The following FBXL17 variants were observed in gnomAD, a reference collection of about 807,000 sequenced individuals.
FBXL17 encodes the protein F-box/LRR-repeat protein 17.
Under a neutral mutation model 66.2 loss-of-function variants are expected in FBXL17, and 22 were observed. The ratio of observed to expected loss-of-function variants is 0.33; its 90% CI spans 0.24 to 0.47. The LOEUF (loss-of-function observed/expected upper bound fraction) is 0.47, where lower values mean the gene tolerates loss of function less well. Among genes scored for constraint, FBXL17 ranks in the 20% least tolerant of loss-of-function variants. FBXL17 has a pLI of 1.00. For missense variants in FBXL17, 878 were observed against 948.2 expected (o/e 0.93, Z 0.97); for synonymous variants, 474 against 400.5 (o/e 1.18, Z -2.19).
chr5:107,924,177 G>A (rs1244368976), intron 7 of FBXL17, among the ~76,000 whole-genome samples: 3 of 148,978 alleles, frequency 2.0e-5, no homozygotes, highest in African/African-American at 5.0e-5. Context: ...GAGCCACTAC[G>A]CCCGACTTTG....
rs564513962 is a variant in FBXL17, at chr5:107,883,540, C to A, written c.1823-2361G>T. On this transcript the variant is annotated intron_variant, in intron 7 of 8. Coordinates refer to ENST00000542267, the MANE Select transcript of FBXL17 (RefSeq NM_001163315.3). The stretch of plus-strand genomic sequence containing the variant: ...AACAGTCACAATCCAAGGCTTACCC[C>A]CCATCTCTTCCCTTTCCCAACTCCT... Among the ~76,000 whole-genome samples the A allele has an allele frequency of 2.6e-5, 4 of 152,268 alleles. No homozygotes were observed. In the East Asian group the frequency reaches 5.8e-4, roughly 22 times the overall value.
chr5:108,303,835 T>A (rs183608128), intron 4 of FBXL17, among the ~76,000 whole-genome samples: 2 of 152,092 alleles, frequency 1.3e-5, no homozygotes, highest in African/African-American at 4.8e-5. Context: ...TGATGACTAA[T>A]AGAATGTATG....
intron 6 of FBXL17, among the ~76,000 whole-genome samples, chr5:108,167,877 G>T (rs1752469102): frequency 6.6e-6 from 1 of 152,146 alleles, no homozygotes; most frequent in Admixed American, 6.5e-5. Context: ...ACAACTTAAA[G>T]GGGGAAAAAA....
rs186745791 is a variant in FBXL17 at position 108,108,124 on chromosome 5, T to A, written c.1745+77993A>T. On this transcript the variant is annotated intron_variant, in intron 6 of 8. Transcript: ENST00000542267. ...CATGTGGCTTACTCCTTGATTTTAC[T>A]TAAGTTTCTCCTTCAGTGATAGCTC... 1.9e-3 allele frequency among the ~76,000 whole-genome samples: 283 copies of A among 152,308 alleles called. 3 individuals are homozygous for A. Among genetic ancestry groups the A allele is most frequent in the Non-Finnish European group, 2.0e-3 (135 of 68,026 alleles).
intron 6 of FBXL17, among the ~76,000 whole-genome samples, chr5:108,036,681 TG>T (rs1355901567): frequency 5.9e-5 from 9 of 152,178 alleles, no homozygotes; most frequent in Non-Finnish European, 1.3e-4. Flanking sequence ...CCTCCTGCTC[TG>T]GCCTGACTTT....
At chr5:108,036,025 T>C (rs1473613829) in intron 6 of FBXL17, among the ~76,000 whole-genome samples, 1 of 152,242 alleles carries the variant, frequency 6.6e-6, no homozygotes, top group Non-Finnish European at 1.5e-5. Context: ...ACACTAAGGC[T>C]GTGCCTGGTA....
intron 4 of FBXL17, among the ~76,000 whole-genome samples, chr5:108,287,591 C>T (rs1210707976): frequency 6.6e-6 from 1 of 151,864 alleles, no homozygotes; most frequent in Non-Finnish European, 1.5e-5. Flanking sequence ...GTCAGAATGA[C>T]TATTATTTAA....
chr5:108,055,248 G>A (rs1050660442), intron 6 of FBXL17, among the ~76,000 whole-genome samples: 2 of 120,930 alleles, frequency 1.7e-5, no homozygotes, highest in Admixed American at 2.1e-4. Context: ...TAGACTGCTG[G>A]TGACAGATTT....
intron 7 of FBXL17, among the ~76,000 whole-genome samples, chr5:107,898,245 A>T (rs1013966054): frequency 1.3e-5 from 2 of 152,118 alleles, no homozygotes; most frequent in Admixed American, 1.3e-4. Flanking sequence ...TACCATAAAC[A>T]CTTTTAGTGA....
At chr5:108,076,739 C>G (rs934442659) in intron 6 of FBXL17, among the ~76,000 whole-genome samples, 1 of 152,158 alleles carries the variant, frequency 6.6e-6, no homozygotes, top group African/African-American at 2.4e-5. Context: ...TTCCCCAGAT[C>G]CCAGAGAGAC....
At chr5:107,970,143 T>C (rs1438435722) in intron 7 of FBXL17, among the ~76,000 whole-genome samples, 2 of 152,100 alleles carry the variant, frequency 1.3e-5, no homozygotes, top group Non-Finnish European at 2.9e-5. Context: ...GTAATGGCTG[T>C]TTAATTTGGG....
intron 6 of FBXL17, among the ~76,000 whole-genome samples, chr5:108,043,658 T>C (rs903754364): frequency 6.6e-6 from 1 of 152,182 alleles, no homozygotes; most frequent in Non-Finnish European, 1.5e-5. Flanking sequence ...ATTGAGTAAA[T>C]GTATTCCCCC....
chr5:108,183,750 T>C (rs1753108981), intron 6 of FBXL17, among the ~76,000 whole-genome samples: 1 of 152,102 alleles, frequency 6.6e-6, no homozygotes, highest in Non-Finnish European at 1.5e-5. Flanking sequence ...CCCATGTCCA[T>C]TATACCACTC....
intron 6 of FBXL17, among the ~76,000 whole-genome samples, chr5:108,103,066 G>A (rs1440885777): frequency 6.6e-6 from 1 of 152,184 alleles, no homozygotes; most frequent in Non-Finnish European, 1.5e-5. Context: ...TTGAAAATAT[G>A]TATAACATCT....
At chr5:108,279,174 G>C (rs925631596) in intron 4 of FBXL17, among the ~76,000 whole-genome samples, 2 of 152,132 alleles carry the variant, frequency 1.3e-5, no homozygotes, top group African/African-American at 4.8e-5. Context: ...AGACTCGTGA[G>C]CTGCTTCACC....
chr5:108,016,779 T>TTTA (rs1484676925), intron 7 of FBXL17, among the ~76,000 whole-genome samples: 1 of 134,910 alleles, frequency 7.4e-6, no homozygotes, highest in Non-Finnish European at 1.7e-5. Flanking sequence ...TCTTTCTTTC[T>TTTA]TTCTTTCTTT....
At chr5:107,955,617 C>T (rs1751639144) in intron 7 of FBXL17, among the ~76,000 whole-genome samples, 1 of 152,148 alleles carries the variant, frequency 6.6e-6, no homozygotes. Context: ...GTAAGTGTCA[C>T]CAACAGCCCT....
At chr5:107,878,539 G>T in intron 8 of FBXL17, 1 of 922,436 alleles carries the variant, frequency 1.1e-6, no homozygotes, top group African/African-American at 1.8e-5. Context: ...TAAGTGCAAA[G>T]CCCAGATCTG....
chr5:108,242,348 GTTTGTTGTT>G (rs900565797), intron 4 of FBXL17, among the ~76,000 whole-genome samples: 13 of 117,044 alleles, frequency 1.1e-4, no homozygotes, highest in Non-Finnish European at 1.8e-4. Flanking sequence ...TGCCTGGCTA[GTTTGTTGTT>G]GTTGTTGTTG....
Sources: gnomAD v4.1 joint callset for allele counts (sites outside exome capture counted in the v4.1 genomes callset) on GRCh38, gnomAD v4.1.1 for gene constraint, MANE v1.5 for transcripts, NCBI Gene and HGNC (gene_info 2026-07-23, HGNC 2026-07-21) for gene names.